DLGAP2: variants seen among roughly 807,000 people sequenced by gnomAD.
The protein encoded by DLGAP2 is disks large-associated protein 2.
A neutral mutation model predicts 100.3 loss-of-function variants in DLGAP2; 26 were observed. That is an observed-to-expected ratio of 0.26 (90% CI 0.19 to 0.36). The LOEUF (loss-of-function observed/expected upper bound fraction) is 0.36, where lower values mean the gene tolerates loss of function less well. Among genes scored for constraint, DLGAP2 ranks in the 10% least tolerant of loss-of-function variants. DLGAP2 has a pLI of 1.00. For missense variants in DLGAP2, 1,858 were observed against 1,453.2 expected, an observed-to-expected ratio of 1.28 and a Z score of -4.53; for synonymous variants, 886 against 630.1, an observed-to-expected ratio of 1.41 and a Z score of -6.08.
intron 12 of DLGAP2, among the ~76,000 whole-genome samples, chr8:1,686,673 C>CA (rs34790163): frequency 0.02 from 2,836 of 140,078 alleles, 46 homozygotes; most frequent in Non-Finnish European, 0.025. Context: ...AGACCCCATC[C>CA]AAAAAAAAAA....
chr8:1,143,719 G>C (rs1166127858), intron 2 of DLGAP2, among the ~76,000 whole-genome samples: 1 of 152,134 alleles, frequency 6.6e-6, no homozygotes, highest in African/African-American at 2.4e-5. Flanking sequence ...TAAGTCACTG[G>C]GTGCCCTCAC....
intron 4 of DLGAP2, among the ~76,000 whole-genome samples, chr8:1,547,020 G>A (rs897541479): frequency 7.9e-5 from 12 of 152,172 alleles, no homozygotes; most frequent in Admixed American, 1.3e-4. Flanking sequence ...CAGCAAGGCC[G>A]AGTGGTGTGG....
At chr8:1,691,425 A>G in intron 12 of DLGAP2, 110 bp from the exon 13 acceptor site, 1 of 876,418 alleles carries the variant, frequency 1.1e-6, no homozygotes, top group South Asian at 1.6e-5. Flanking sequence ...TGAAGTCGTC[A>G]GTTTTCATCT....
chr8:1,505,605 GGA>G (rs1193741796), intron 4 of DLGAP2, among the ~76,000 whole-genome samples: 1 of 152,150 alleles, frequency 6.6e-6, no homozygotes, highest in Non-Finnish European at 1.5e-5. Context: ...GTGAAATATA[GGA>G]GGATAAGGAA....
In DLGAP2 at chr8:1,704,827, C is replaced by T. The variant is rs985783759; in HGVS notation, c.*3421C>T. On this transcript the variant is annotated 3_prime_UTR_variant, in exon 15 of 15. Coordinates refer to ENST00000637795, the MANE Select transcript of DLGAP2 (RefSeq NM_001346810.2). ...CCTACTACGCAGAGGGAATTTTTCC[C>T]TGCTGCTTCTTATGAAAGTGGCCAG... 2.0e-5 allele frequency: 3 copies of T among 151,948 alleles called. No individual in the cohort carries two copies. The highest frequency in any genetic ancestry group is 7.2e-5 in the African/African-American group (3 of 41,400). 9.4% of individuals were successfully genotyped at this position (151,948 alleles called of 1,614,324 possible).
intron 6 of DLGAP2, among the ~76,000 whole-genome samples, chr8:1,590,741 C>T: frequency 6.6e-6 from 1 of 152,192 alleles, no homozygotes; most frequent in East Asian, 1.9e-4. Context: ...AAATGGGAAT[C>T]CCACCTCTGT....
At chr8:1,391,521 G>A (rs1222906382) in intron 3 of DLGAP2, among the ~76,000 whole-genome samples, 1 of 152,178 alleles carries the variant, frequency 6.6e-6, no homozygotes, top group Non-Finnish European at 1.5e-5. Flanking sequence ...CCCACGTAAT[G>A]AGAGTAAGAT....
chr8:800,644 A>C (rs28385389), intron 1 of DLGAP2, among the ~76,000 whole-genome samples: 6 of 151,870 alleles, frequency 4.0e-5, no homozygotes, highest in Non-Finnish European at 8.8e-5. Flanking sequence ...GTGCATGTCT[A>C]TGTGTGCACA....
chr8:1,196,784 C>A (rs1235815405), intron 2 of DLGAP2, among the ~76,000 whole-genome samples: 1 of 152,188 alleles, frequency 6.6e-6, no homozygotes, highest in African/African-American at 2.4e-5. Context: ...TGCATGTCAG[C>A]TGCAGCAGTG....
intron 1 of DLGAP2, among the ~76,000 whole-genome samples, chr8:869,812 G>C (rs1274899501): frequency 6.6e-6 from 1 of 152,076 alleles, no homozygotes; most frequent in Non-Finnish European, 1.5e-5. Context: ...ACGAGTGGGC[G>C]GGCCTGATGG....
In DLGAP2 at chr8:1,334,141, A is replaced by C. The variant is rs138701202; in HGVS notation, c.106+75258A>C. Among the ~76,000 whole-genome samples the C allele has an allele frequency of 3.8e-3, 575 of 152,346 alleles. 2 individuals are homozygous for C. Among genetic ancestry groups the C allele is most frequent in the Middle Eastern group, 6.8e-3 (2 of 294 alleles). On this transcript the variant is annotated intron_variant, in intron 3 of 14. Coordinates refer to ENST00000637795, the MANE Select transcript of DLGAP2 (RefSeq NM_001346810.2). ...ACACAGTGATGCCAGTGAGTCTGAG[A>C]GCTCCTCAGTGAGGTTCTGGACATT...
chr8:1,682,177 C>G (rs186108041), intron 12 of DLGAP2, among the ~76,000 whole-genome samples: 1 of 152,238 alleles, frequency 6.6e-6, no homozygotes, highest in Non-Finnish European at 1.5e-5. Flanking sequence ...CTGTGACCCA[C>G]GTGTGGTCCA....
At chr8:1,204,190 C>T (rs1205110706) in intron 2 of DLGAP2, among the ~76,000 whole-genome samples, 2 of 152,226 alleles carry the variant, frequency 1.3e-5, no homozygotes, top group Admixed American at 6.5e-5. Context: ...TCACACCCAT[C>T]ACAGAATATC....
chr8:1,254,543 C>T (rs1799127555), intron 2 of DLGAP2, among the ~76,000 whole-genome samples: 3 of 152,168 alleles, frequency 2.0e-5, no homozygotes, highest in Non-Finnish European at 2.9e-5. Context: ...TCATTGGCAG[C>T]ACTGACTTTT....
chr8:1,006,665 C>G (rs1231125066), intron 2 of DLGAP2, among the ~76,000 whole-genome samples: 2 of 97,292 alleles, frequency 2.1e-5, no homozygotes, highest in African/African-American at 8.7e-5. Flanking sequence ...GGTCCTTTAT[C>G]ACGTCGGGGG....
intron 1 of DLGAP2, among the ~76,000 whole-genome samples, chr8:841,966 G>T (rs2132717607): frequency 6.6e-6 from 1 of 152,310 alleles, no homozygotes; most frequent in South Asian, 2.1e-4. Flanking sequence ...GTGCCTGGCA[G>T]TCTTAACATA....
intron 1 of DLGAP2, among the ~76,000 whole-genome samples, chr8:745,633 G>T (rs1820600017): frequency 6.6e-6 from 1 of 152,176 alleles, no homozygotes; most frequent in South Asian, 2.1e-4. Flanking sequence ...TAGCTAAGTG[G>T]ATGTTCCCTC....
rs139918391 is a variant in DLGAP2, at chr8:822,162, C to T, written c.18+84337C>T. On this transcript the variant is annotated intron_variant, in intron 1 of 14. Coordinates refer to ENST00000637795, the MANE Select transcript of DLGAP2 (RefSeq NM_001346810.2). ...CTCGCGGCTGCTAACCCTCTGCCTG[C>T]GCCCAGCCCAGCCACAATGGGGACT... 1.7e-3 allele frequency: 688 copies of T among 399,602 alleles called. 3 individuals carry two copies. Among genetic ancestry groups the T allele is most frequent in the African/African-American group, 0.013 (619 of 48,784 alleles). 24.8% of individuals were successfully genotyped at this position (399,602 alleles called of 1,614,324 possible).
At chr8:1,454,882 C>T (rs558148802) in intron 3 of DLGAP2, among the ~76,000 whole-genome samples, 79 of 152,170 alleles carry the variant, frequency 5.2e-4, no homozygotes, top group Admixed American at 9.8e-4. Context: ...GGCCCACCCT[C>T]CCGTCATGCA....
Sources: gnomAD v4.1 joint callset for allele counts (sites outside exome capture counted in the v4.1 genomes callset) on GRCh38, gnomAD v4.1.1 for gene constraint, MANE v1.5 for transcripts, NCBI Gene and HGNC (gene_info 2026-07-23, HGNC 2026-07-21) for gene names.